The following ATRNL1 variants were observed in gnomAD, a reference collection of about 807,000 sequenced individuals.
ATRNL1 encodes attractin like 1.
A neutral mutation model predicts 182.7 loss-of-function variants in ATRNL1; 95 were observed. The observed-to-expected ratio is 0.52, with a 90% CI of 0.44 to 0.62. The LOEUF (loss-of-function observed/expected upper bound fraction) is 0.62, where lower values mean the gene tolerates loss of function less well. ATRNL1 is among the 20% of genes least tolerant of loss of function. The pLI is 0.00. For synonymous variants in ATRNL1, 576 were observed against 568.3 expected (o/e 1.01, Z -0.19); for missense variants, 1,471 against 1,679.5 (o/e 0.88, Z 2.17).
At chr10:115,176,275 A>G (rs1305913882) in intron 8 of ATRNL1, among the ~76,000 whole-genome samples, 3 of 152,068 alleles carry the variant, frequency 2.0e-5, no homozygotes, top group African/African-American at 7.2e-5. Context: ...CTCTGATGGT[A>G]GTTTCTTTTG....
At chr10:115,224,128 G>T (rs930947163) in intron 9 of ATRNL1, among the ~76,000 whole-genome samples, 4 of 150,536 alleles carry the variant, frequency 2.7e-5, no homozygotes, top group Non-Finnish European at 5.9e-5. Flanking sequence ...GTACAGATGG[G>T]GTTTCACCCT....
chr10:115,536,172 G>T (rs567091922), intron 25 of ATRNL1, among the ~76,000 whole-genome samples: 2 of 152,252 alleles, frequency 1.3e-5, no homozygotes, highest in Admixed American at 6.5e-5. Context: ...TTCTGCAGAG[G>T]TTACTGCTGT....
intron 26 of ATRNL1, among the ~76,000 whole-genome samples, chr10:115,594,664 C>A (rs959058277): frequency 3.3e-5 from 5 of 152,092 alleles, no homozygotes; most frequent in Non-Finnish European, 5.9e-5. Context: ...ACACAACTAC[C>A]TGCTTAATTT....
chr10:115,167,155 T>C (rs1463343415), intron 7 of ATRNL1, among the ~76,000 whole-genome samples: 2 of 151,958 alleles, frequency 1.3e-5, no homozygotes, highest in Admixed American at 1.3e-4. Context: ...AAAGAAACTG[T>C]CTTTTTCCCA....
intron 26 of ATRNL1, among the ~76,000 whole-genome samples, chr10:115,721,257 C>T (rs1015012846): frequency 2.6e-5 from 4 of 152,082 alleles, no homozygotes; most frequent in South Asian, 4.1e-4. Context: ...TAATTTAATC[C>T]GTTATTTTGA....
intron 18 of ATRNL1, among the ~76,000 whole-genome samples, chr10:115,324,208 A>G (rs1854750925): frequency 6.6e-6 from 1 of 151,768 alleles, no homozygotes; most frequent in South Asian, 2.1e-4. Flanking sequence ...CTTCCATGTC[A>G]GGGTTTGGCA....
chr10:115,279,156 C>T (rs1029463314), intron 13 of ATRNL1, among the ~76,000 whole-genome samples: 2 of 150,208 alleles, frequency 1.3e-5, no homozygotes, highest in Non-Finnish European at 3.0e-5. Flanking sequence ...GAGCCGAGAT[C>T]GCACCACTGC....
At chr10:115,158,090 G>C (rs1212802684) in intron 5 of ATRNL1, among the ~76,000 whole-genome samples, 1 of 148,244 alleles carries the variant, frequency 6.7e-6, no homozygotes, top group Non-Finnish European at 1.5e-5. Context: ...AAGACTATCT[G>C]AATGTCCGTT....
At chr10:115,653,292 G>T (rs1435767408) in intron 26 of ATRNL1, among the ~76,000 whole-genome samples, 2 of 152,116 alleles carry the variant, frequency 1.3e-5, no homozygotes, top group African/African-American at 4.8e-5. Flanking sequence ...TTGGTCATGA[G>T]TGCCTCTTTG....
At chr10:115,325,504 C>G (rs1854826122) in intron 18 of ATRNL1, among the ~76,000 whole-genome samples, 3 of 152,124 alleles carry the variant, frequency 2.0e-5, no homozygotes, top group African/African-American at 7.2e-5. Flanking sequence ...GTGACAATTA[C>G]CAGACTTTTT....
chr10:115,439,698 C>T (rs1846575466), intron 21 of ATRNL1, among the ~76,000 whole-genome samples: 1 of 151,692 alleles, frequency 6.6e-6, no homozygotes, highest in Non-Finnish European at 1.5e-5. Context: ...TCTGGACTAT[C>T]CTGGTATACT....
chr10:115,534,486 G>T (rs924183717), intron 25 of ATRNL1, among the ~76,000 whole-genome samples: 1 of 152,218 alleles, frequency 6.6e-6, no homozygotes, highest in African/African-American at 2.4e-5. Flanking sequence ...TTCATTTTGA[G>T]CTTATGTGTG....
Position 115,160,283 on chromosome 10 carries a change from T to A in ATRNL1, c.1004+69T>A, listed in dbSNP as rs116249083. ...TTTTATCCAAAATGTCTTTTTTTTT[T>A]AATTGTTGTCCGAGAGTAAAAGTGG... is the stretch of plus-strand genomic sequence containing the variant. On this transcript the variant is annotated intron_variant, in intron 6 of 28. Transcript: ENST00000355044. 6,991 of 1,421,060 alleles carry A rather than the reference T, an allele frequency of 4.9e-3. 277 individuals carry two copies. The African/African-American group carries it at 0.088, about 18-fold the overall frequency. The allele number at this position is 1,421,060 out of a possible 1,614,324, so 88.0% of individuals were successfully genotyped here.
intron 27 of ATRNL1, among the ~76,000 whole-genome samples, chr10:115,746,767 G>T (rs564853644): frequency 3.3e-5 from 5 of 152,034 alleles, no homozygotes; most frequent in Non-Finnish European, 7.4e-5. Context: ...TAGGAATTCT[G>T]ATTTCTGCTG....
At chr10:115,813,360 A>G (rs1223691291) in intron 27 of ATRNL1, among the ~76,000 whole-genome samples, 1 of 152,092 alleles carries the variant, frequency 6.6e-6, no homozygotes, top group Non-Finnish European at 1.5e-5. Flanking sequence ...TTTCTTAGAG[A>G]TTAATACCCC....
At position 115,403,257 on chromosome 10, in the gene ATRNL1, C is replaced by CTTTTTTTTTTTTTTTTT. The variant is rs59256867; in HGVS notation, c.3269+8508_3269+8524dup. Among the ~76,000 whole-genome samples the CTTTTTTTTTTTTTTTTT allele has an allele frequency of 2.4e-3, 261 of 107,388 alleles. 23 individuals carry two copies. The highest frequency in any genetic ancestry group is 0.012 in the African/African-American group (242 of 20,350). 70.5% of individuals were successfully genotyped at this position (107,388 alleles called of 152,430 possible). A position where few individuals can be genotyped will look rare whatever the true frequency, so the allele number is the denominator to read the frequency against. On this transcript the variant is annotated intron_variant, in intron 20 of 28. Transcript: ENST00000355044. ...CTTTATTTTTCCTAATTACTCTCAT[C>CTTTTTTTTTTTTTTTTT]TTTTTTTTTTTTTTTTTTTAGTCTG...
intron 13 of ATRNL1, among the ~76,000 whole-genome samples, chr10:115,279,930 G>A (rs547869361): frequency 6.6e-6 from 1 of 152,288 alleles, no homozygotes; most frequent in African/African-American, 2.4e-5. Flanking sequence ...AGGCACGACA[G>A]ACAGTTCCTT....
At chr10:115,621,294 G>T (rs1380802506) in intron 26 of ATRNL1, among the ~76,000 whole-genome samples, 2 of 128,566 alleles carry the variant, frequency 1.6e-5, no homozygotes, top group Admixed American at 7.6e-5. Context: ...GAGAGAGAGA[G>T]AGAGAGAGAG....
chr10:115,813,357 G>C (rs1950091957), intron 27 of ATRNL1, among the ~76,000 whole-genome samples: 1 of 152,086 alleles, frequency 6.6e-6, no homozygotes, highest in African/African-American at 2.4e-5. Flanking sequence ...TTGTTTCTTA[G>C]AGATTAATAC....
Sources: gnomAD v4.1 joint callset for allele counts (sites outside exome capture counted in the v4.1 genomes callset) on GRCh38, gnomAD v4.1.1 for gene constraint, MANE v1.5 for transcripts, NCBI Gene and HGNC (gene_info 2026-07-23, HGNC 2026-07-21) for gene names.